Variants in DOCK8 observed in about 807,000 individuals in gnomAD.
DOCK8 encodes dedicator of cytokinesis 8.
A neutral mutation model predicts 245.6 loss-of-function variants in DOCK8; 141 were observed. That is an observed-to-expected ratio of 0.57 (90% CI 0.50 to 0.66). The LOEUF (loss-of-function observed/expected upper bound fraction) is 0.66, where lower values mean the gene tolerates loss of function less well. Ranked by LOEUF, DOCK8 falls within the 30% of genes least tolerant of loss-of-function variation. The pLI is 0.00. For missense variants in DOCK8, 2,965 were observed against 2,603.4 expected (o/e 1.14, Z -3.02); for synonymous variants, 1,168 against 970.2 (o/e 1.20, Z -3.79).
chr9:394,340 A>C (rs996362179), intron 24 of DOCK8, among the ~76,000 whole-genome samples: 15 of 152,240 alleles, frequency 9.9e-5, no homozygotes, highest in African/African-American at 3.4e-4. Flanking sequence ...AATTGATCTC[A>C]GACTCAGACA....
Position 442,007 on chromosome 9 carries a change from G to A in DOCK8, c.5488G>A (p.Glu1830Lys). ...TKLPEISHRL[E>K]AFYGQCFGAE... The stretch of plus-strand genomic sequence containing the variant: ...GCTTCCTGAGATCTCACATAGACTA[G>A]AGGTAAGAAAAGTGATTCTGTGCGC... The change falls in exon 42 of 48, where the codon GAG becomes AAG. Residue 1830 changes from glutamate (E) to lysine (K), a missense_variant and splice_region_variant. Glu to Lys is a moderately conservative substitution (Grantham distance 56, BLOSUM62 1). This residue lies in a region of DOCK8 where 2,825 missense variants were observed against 2,453.5 expected (regional missense o/e 1.15). Coordinates refer to ENST00000432829, the MANE Select transcript of DOCK8 (RefSeq NM_203447.4). 1.2e-6 allele frequency: 2 copies of A among 1,613,936 alleles called. No homozygotes were observed. The highest frequency in any genetic ancestry group is 1.7e-6 in the Non-Finnish European group (2 of 1,179,984).
chr9:266,680 G>A (rs994147097), intron 1 of DOCK8, among the ~76,000 whole-genome samples: 3 of 152,008 alleles, frequency 2.0e-5, no homozygotes, highest in Admixed American at 2.0e-4. Flanking sequence ...AAAAAACATA[G>A]AGCTTCTCTA....
intron 45 of DOCK8, among the ~76,000 whole-genome samples, chr9:451,426 C>A (rs1428061514): frequency 6.6e-6 from 1 of 152,008 alleles, no homozygotes; most frequent in Non-Finnish European, 1.5e-5. Flanking sequence ...AGTTCAAGAC[C>A]AGCCTGGGCA....
chr9:379,742 G>T (rs1563986108), intron 20 of DOCK8, 29 bp from the exon 21 acceptor site: 2 of 1,613,850 alleles, frequency 1.2e-6, no homozygotes, highest in South Asian at 1.1e-5. Flanking sequence ...CCAGCTGTGG[G>T]ACTACCCATT....
At chr9:277,420 G>T (rs2048388329) in intron 2 of DOCK8, among the ~76,000 whole-genome samples, 1 of 148,244 alleles carries the variant, frequency 6.7e-6, no homozygotes, top group Non-Finnish European at 1.5e-5. Context: ...GTGAGACCCT[G>T]TCTCAGAAAA....
rs770841704 is a variant in DOCK8 at position 407,081 on chromosome 9, G to A, written c.3530+12G>A. 21 of 1,613,816 alleles carry A rather than the reference G, an allele frequency of 1.3e-5. No homozygotes were observed. In the Middle Eastern group the frequency reaches 8.2e-4, roughly 63 times the overall value. ...GCCGAAGGGGAAGGGTATGTTTCTG[G>A]CATTTAAAATGGAAGATGAAGCCAA... On this transcript the variant is annotated intron_variant, in intron 28 of 47. Transcript: ENST00000432829.
intron 13 of DOCK8, among the ~76,000 whole-genome samples, chr9:339,357 A>C (rs1157830366): frequency 6.6e-6 from 1 of 152,210 alleles, no homozygotes; most frequent in Non-Finnish European, 1.5e-5. Flanking sequence ...ATAATTGTTT[A>C]AACAGAGGAG....
At chr9:342,875 A>G (rs1424255846) in intron 14 of DOCK8, among the ~76,000 whole-genome samples, 2 of 152,192 alleles carry the variant, frequency 1.3e-5, no homozygotes, top group East Asian at 1.9e-4. Flanking sequence ...CAGCTCTTAC[A>G]AACACTATGA....
At chr9:230,270 A>G (rs1176257655) in intron 1 of DOCK8, among the ~76,000 whole-genome samples, 1 of 149,970 alleles carries the variant, frequency 6.7e-6, no homozygotes, top group Admixed American at 6.6e-5. Flanking sequence ...TCCACGGTGT[A>G]TATGTGCCAC....
At chr9:294,158 A>G (rs901937120) in intron 4 of DOCK8, among the ~76,000 whole-genome samples, 3 of 152,266 alleles carry the variant, frequency 2.0e-5, no homozygotes, top group Non-Finnish European at 4.4e-5. Flanking sequence ...GCTGCCTAGT[A>G]TTCAAAGGGT....
intron 11 of DOCK8, 135 bp from the exon 12 acceptor site, chr9:336,447 T>C (rs2051315738): frequency 2.4e-6 from 3 of 1,242,578 alleles, no homozygotes; most frequent in Non-Finnish European, 3.5e-6. Context: ...TGGAAGGACA[T>C]TTTCATTCAA....
At chr9:354,302 A>G (rs1045681120) in intron 14 of DOCK8, among the ~76,000 whole-genome samples, 1 of 152,236 alleles carries the variant, frequency 6.6e-6, no homozygotes, top group African/African-American at 2.4e-5. Flanking sequence ...ATTCCACTCC[A>G]GCCTGGGAAG....
At chr9:254,212 A>G (rs1290628675) in intron 1 of DOCK8, among the ~76,000 whole-genome samples, 3 of 152,244 alleles carry the variant, frequency 2.0e-5, no homozygotes, top group Non-Finnish European at 4.4e-5. Context: ...CGGGACAGCA[A>G]GATCTCACTG....
At chr9:349,779 T>C (rs1405721977) in intron 14 of DOCK8, among the ~76,000 whole-genome samples, 1 of 152,206 alleles carries the variant, frequency 6.6e-6, no homozygotes, top group Non-Finnish European at 1.5e-5. Flanking sequence ...TTAAAGGTAA[T>C]ATACACAAAT....
chr9:435,026 A>AT (rs2056850977), intron 39 of DOCK8, 51 bp downstream of exon 39: 1 of 1,599,512 alleles, frequency 6.3e-7, no homozygotes, highest in Non-Finnish European at 8.5e-7. Context: ...AACTGGGGCG[A>AT]TTTTGTCCCC....
rs2131215081 is a variant in DOCK8, at chr9:371,482, A to C, written c.1923A>C (p.Val641=). The change falls in exon 17 of 48, where the codon GTA becomes GTC. Residue 641 remains valine (V), a synonymous_variant. Coordinates refer to ENST00000432829, the MANE Select transcript of DOCK8 (RefSeq NM_203447.4). The stretch of plus-strand genomic sequence containing the variant: ...TTAAGCTCCCCGCTAAGCTCACAGT[A>C]AATCACCACCTCCTGTTCACCTTCT... ...VKIKLPAKLT[V]NHHLLFTFYH... 6.2e-7 allele frequency: 1 copy of C among 1,614,238 alleles called. No individual in the cohort carries two copies. Among genetic ancestry groups the C allele is most frequent in the Admixed American group, 1.7e-5 (1 of 60,022 alleles).
At chr9:399,113 A>C (rs926462744) in intron 25 of DOCK8, 33 bp from the exon 26 acceptor site, 2 of 1,599,222 alleles carry the variant, frequency 1.3e-6, no homozygotes, top group South Asian at 1.1e-5. Flanking sequence ...AGAGTGTCCC[A>C]CAAAATGATT....
intron 29 of DOCK8, 100 bp from the exon 30 acceptor site, chr9:417,968 G>C (rs1477803185): frequency 1.1e-5 from 17 of 1,498,082 alleles, no homozygotes; most frequent in Non-Finnish European, 1.6e-5. Flanking sequence ...AAATTACTGT[G>C]CTGACTTTAG....
At chr9:375,759 G>T (rs2053488291) in intron 18 of DOCK8, among the ~76,000 whole-genome samples, 1 of 152,168 alleles carries the variant, frequency 6.6e-6, no homozygotes, top group African/African-American at 2.4e-5. Flanking sequence ...CATTTTGGGA[G>T]GCTGAAGTGG....
Sources: gnomAD v4.1 joint callset for allele counts (sites outside exome capture counted in the v4.1 genomes callset) on GRCh38, gnomAD v4.1.1 for gene constraint, gnomAD v4.1.1 regional missense constraint, MANE v1.5 for transcripts, NCBI Gene and HGNC (gene_info 2026-07-23, HGNC 2026-07-21) for gene names.